The following DSCAM variants were observed in gnomAD, a reference collection of about 807,000 sequenced individuals.
The protein encoded by DSCAM is DS cell adhesion molecule, also known as cell adhesion molecule DSCAM.
A neutral mutation model predicts 217.7 loss-of-function variants in DSCAM; 47 were observed. The ratio of observed to expected loss-of-function variants is 0.22; its 90% confidence interval spans 0.17 to 0.28. The LOEUF is 0.28. Among genes scored for constraint, DSCAM ranks in the 10% least tolerant of loss-of-function variants. The pLI is 1.00. For missense variants in DSCAM, 2,080 were observed against 2,618.3 expected, an observed-to-expected ratio of 0.79 and a Z score of 4.49; for synonymous variants, 1,056 against 1,015.3, an observed-to-expected ratio of 1.04 and a Z score of -0.76.
At chr21:40,311,265 G>C (rs1446288101) in intron 9 of DSCAM, among the ~76,000 whole-genome samples, 1 of 152,154 alleles carries the variant, frequency 6.6e-6, no homozygotes, top group Admixed American at 6.6e-5. Context: ...TTGCAATGTG[G>C]ATGAATATTG....
chr21:40,486,906 G>C (rs964833381), intron 3 of DSCAM, among the ~76,000 whole-genome samples: 2 of 152,064 alleles, frequency 1.3e-5, no homozygotes, highest in Non-Finnish European at 1.5e-5. Flanking sequence ...TGGCTCCCTA[G>C]AGTACTTCTG....
At chr21:40,169,484 G>A (rs923654618) in intron 15 of DSCAM, among the ~76,000 whole-genome samples, 1 of 152,118 alleles carries the variant, frequency 6.6e-6, no homozygotes, top group Non-Finnish European at 1.5e-5. Flanking sequence ...TGCAGGGATT[G>A]CTACTCCAAG....
chr21:40,509,322 C>T (rs1305153605), intron 3 of DSCAM, among the ~76,000 whole-genome samples: 1 of 152,192 alleles, frequency 6.6e-6, no homozygotes, highest in African/African-American at 2.4e-5. Context: ...GATGTCAAAC[C>T]TCTCTAATCT....
chr21:40,581,098 A>G (rs2076902021), intron 3 of DSCAM, among the ~76,000 whole-genome samples: 1 of 152,232 alleles, frequency 6.6e-6, no homozygotes, highest in African/African-American at 2.4e-5. Flanking sequence ...CAAATGATCA[A>G]TGGGAATGAA....
At chr21:40,456,190 T>A (rs1016194881) in intron 3 of DSCAM, among the ~76,000 whole-genome samples, 1 of 151,946 alleles carries the variant, frequency 6.6e-6, no homozygotes, top group Non-Finnish European at 1.5e-5. Context: ...ATGAAAATGA[T>A]CACAATGCCC....
At chr21:40,559,210 G>A (rs1015616192) in intron 3 of DSCAM, among the ~76,000 whole-genome samples, 10 of 152,154 alleles carry the variant, frequency 6.6e-5, no homozygotes, top group Admixed American at 2.0e-4. Context: ...TGTAATCCCA[G>A]ACCTTTGGGA....
chr21:40,250,311 G>T (rs1356845342), intron 11 of DSCAM, among the ~76,000 whole-genome samples: 1 of 152,112 alleles, frequency 6.6e-6, no homozygotes, highest in Non-Finnish European at 1.5e-5. Flanking sequence ...AAAGTCAAGG[G>T]CCTCAATTAG....
chr21:40,722,395 G>A (rs2090911133), intron 1 of DSCAM, among the ~76,000 whole-genome samples: 2 of 151,998 alleles, frequency 1.3e-5, no homozygotes, highest in Non-Finnish European at 1.5e-5. Flanking sequence ...GGAGGAAGGA[G>A]GAAATAAAAA....
chr21:40,515,723 C>T (rs75593185), intron 3 of DSCAM, among the ~76,000 whole-genome samples: 3,356 of 152,094 alleles, frequency 0.022, 120 homozygotes, highest in African/African-American at 0.076. Context: ...GTGCACAAGC[C>T]CTCCCAGGAG....
At chr21:40,687,299 G>T (rs967327653) in intron 3 of DSCAM, among the ~76,000 whole-genome samples, 2 of 152,014 alleles carry the variant, frequency 1.3e-5, no homozygotes, top group South Asian at 4.2e-4. Flanking sequence ...GTGACTCTAG[G>T]TTTTTTTTAA....
At chr21:40,142,821 C>A in intron 17 of DSCAM, 117 bp from the exon 18 acceptor site, 3 of 1,184,524 alleles carry the variant, frequency 2.5e-6, no homozygotes, top group Non-Finnish European at 3.5e-6. Context: ...GCACTCAACC[C>A]CAAAATGAAA....
At position 40,846,807 on chromosome 21, in the gene DSCAM, C is replaced by T; in HGVS notation, c.-146G>A. Reference sequence around the variant, plus strand: ...GCCGCCGCCGCCGCCGCTGCCTAGCCGCCCGGGCACGCGGCGCGGCCGGGC... The same window carrying T: ...GCCGCCGCCGCCGCCGCTGCCTAGCTGCCCGGGCACGCGGCGCGGCCGGGC... On this transcript the variant is annotated 5_prime_UTR_variant, in exon 1 of 33. Coordinates refer to ENST00000400454, the MANE Select transcript of DSCAM (RefSeq NM_001389.5). 1.1e-5 allele frequency: 2 copies of T among 178,434 alleles called. No individual in the cohort carries two copies. The highest frequency in any genetic ancestry group is 2.1e-5 in the Non-Finnish European group (2 of 94,942). The allele number at this position is 178,434 out of a possible 1,614,324, so 11.1% of individuals were successfully genotyped here.
At chr21:40,135,153 G>C (rs748510058) in intron 18 of DSCAM, among the ~76,000 whole-genome samples, 2 of 152,326 alleles carry the variant, frequency 1.3e-5, no homozygotes, top group Non-Finnish European at 2.9e-5. Context: ...CCTAGGGGAA[G>C]GGGCTGTCAG....
intron 1 of DSCAM, among the ~76,000 whole-genome samples, chr21:40,810,038 G>GC (rs1328335329): frequency 6.6e-6 from 1 of 152,206 alleles, no homozygotes; most frequent in African/African-American, 2.4e-5. Flanking sequence ...ACCACCTGCT[G>GC]CCCAGTAAGG....
intron 1 of DSCAM, among the ~76,000 whole-genome samples, chr21:40,818,795 G>A (rs1391182482): frequency 6.6e-6 from 1 of 151,932 alleles, no homozygotes; most frequent in Non-Finnish European, 1.5e-5. Context: ...CTAAGAGAAC[G>A]ACTAAATTTA....
At position 40,463,428 on chromosome 21, in the gene DSCAM, T is replaced by C. The variant is rs544694129; in HGVS notation, c.509-94183A>G. On this transcript the variant is annotated intron_variant, in intron 3 of 32. Transcript: ENST00000400454. ...AGACCACCCGGTATTGCACTGAATG[T>C]CTGCTCATTTGTCCAATCACCCCTT... 1.3e-4 allele frequency among the ~76,000 whole-genome samples: 20 copies of C among 152,206 alleles called. 2 individuals carry two copies. In the South Asian group the frequency reaches 4.0e-3, roughly 30 times the overall value.
chr21:40,091,950 C>T (rs11701825), intron 21 of DSCAM, among the ~76,000 whole-genome samples: 49,279 of 151,986 alleles, frequency 0.32, 8,395 homozygotes, highest in African/African-American at 0.41. Context: ...CAAGATGAGA[C>T]TTGGGTGGGG....
intron 3 of DSCAM, among the ~76,000 whole-genome samples, chr21:40,662,502 A>G (rs1244985000): frequency 3.9e-5 from 6 of 152,264 alleles, no homozygotes; most frequent in African/African-American, 1.2e-4. Context: ...TGAACAGCAG[A>G]TATCAGATGT....
intron 20 of DSCAM, among the ~76,000 whole-genome samples, chr21:40,106,319 G>C (rs2089820084): frequency 6.6e-6 from 1 of 152,182 alleles, no homozygotes; most frequent in South Asian, 2.1e-4. Context: ...TTTGAGTGGA[G>C]ACACAGCCAA....
Sources: allele counts gnomAD v4.1 joint callset (sites outside exome capture counted in the v4.1 genomes callset), GRCh38; gene constraint gnomAD v4.1.1; transcripts MANE v1.5; gene names NCBI Gene and HGNC (gene_info 2026-07-23, HGNC 2026-07-21).